FTO: variants seen among roughly 807,000 people sequenced by gnomAD.
FTO encodes the protein FTO alpha-ketoglutarate dependent dioxygenase, also known as alpha-ketoglutarate-dependent dioxygenase FTO.
A neutral mutation model predicts 63.9 loss-of-function variants in FTO; 47 were observed. The observed-to-expected ratio is 0.74, with a 90% CI of 0.58 to 0.94. The LOEUF (loss-of-function observed/expected upper bound fraction) is 0.94, where lower values mean the gene tolerates loss of function less well. FTO is among the 40% of genes least tolerant of loss of function. The pLI, the probability that FTO is intolerant of heterozygous loss-of-function variation, is 0.00. For synonymous variants in FTO, 207 were observed against 224.4 expected, an observed-to-expected ratio of 0.92 and a Z score of 0.69; for missense variants, 562 against 618.1, an observed-to-expected ratio of 0.91 and a Z score of 0.96.
At chr16:53,887,275 C>A (rs2081025594) in intron 6 of FTO, among the ~76,000 whole-genome samples, 1 of 152,216 alleles carries the variant, frequency 6.6e-6, no homozygotes, top group African/African-American at 2.4e-5. Flanking sequence ...GCTGCAGAGT[C>A]TTCTTCCTGT....
chr16:54,065,454 G>A (rs1249697272), intron 8 of FTO, among the ~76,000 whole-genome samples: 2 of 152,052 alleles, frequency 1.3e-5, no homozygotes. Flanking sequence ...GTGCACCACC[G>A]CATCCGGCCC....
intron 1 of FTO, among the ~76,000 whole-genome samples, chr16:53,786,774 ATG>A (rs1322936999): frequency 5.9e-5 from 9 of 152,168 alleles, no homozygotes; most frequent in Non-Finnish European, 1.2e-4. Context: ...TGGACATAAG[ATG>A]GTAGAGAGGC....
At chr16:53,835,498 T>C (rs2079263959) in intron 3 of FTO, among the ~76,000 whole-genome samples, 3 of 152,108 alleles carry the variant, frequency 2.0e-5, no homozygotes, top group Admixed American at 2.0e-4. Context: ...GGAAATAATA[T>C]TTTTTTTCAG....
chr16:53,949,445 G>A (rs1481899496), intron 8 of FTO, among the ~76,000 whole-genome samples: 1 of 152,088 alleles, frequency 6.6e-6, no homozygotes, highest in Non-Finnish European at 1.5e-5. Context: ...AAACCTTGGC[G>A]GCCACCGAAG....
At chr16:53,824,864 T>C (rs1411691641) in intron 2 of FTO, among the ~76,000 whole-genome samples, 1 of 152,160 alleles carries the variant, frequency 6.6e-6, no homozygotes, top group Non-Finnish European at 1.5e-5. Flanking sequence ...TCAGTTGCAT[T>C]TTACAGAATC....
At chr16:53,828,888 A>AT (rs1232288770) in intron 3 of FTO, among the ~76,000 whole-genome samples, 2 of 152,058 alleles carry the variant, frequency 1.3e-5, no homozygotes, top group African/African-American at 4.8e-5. Flanking sequence ...TTATTTTATT[A>AT]TTTTACTTTT....
chr16:53,759,495 A>G (rs1236472771), intron 1 of FTO, among the ~76,000 whole-genome samples: 1 of 152,038 alleles, frequency 6.6e-6, no homozygotes, highest in African/African-American at 2.4e-5. Context: ...AGAGTTCGAG[A>G]CCAGCCTGGC....
chr16:53,901,273 G>C (rs554213836), intron 7 of FTO, among the ~76,000 whole-genome samples: 1 of 152,156 alleles, frequency 6.6e-6, no homozygotes, highest in Admixed American at 6.5e-5. Context: ...TTTGGACTTT[G>C]GTCAGAAGCA....
chr16:54,064,868 C>T lies in FTO; in HGVS notation c.1365-46894C>T, dbSNP rs572583746. Among the ~76,000 whole-genome samples, 4 of 152,204 alleles carry T rather than the reference C, an allele frequency of 2.6e-5. 1 individual carries two copies. Among genetic ancestry groups the T allele is most frequent in the African/African-American group, 7.2e-5 (3 of 41,518 alleles). On this transcript the variant is annotated intron_variant, in intron 8 of 8. Coordinates refer to ENST00000471389, the MANE Select transcript of FTO (RefSeq NM_001080432.3). ...GGAGCTCAGTTGGCTGAAGGGAGCT[C>T]GGTGGCTGTTTTTATTAACTTGAGA...
At chr16:54,065,154 A>AT (rs376065950) in intron 8 of FTO, among the ~76,000 whole-genome samples, 4,715 of 136,268 alleles carry the variant, frequency 0.035, 243 homozygotes, top group African/African-American at 0.13. Flanking sequence ...ATTTTATTTT[A>AT]TTTATTAATG....
At chr16:53,947,544 AG>A (rs140504810) in intron 8 of FTO, among the ~76,000 whole-genome samples, 9,238 of 152,190 alleles carry the variant, frequency 0.061, 669 homozygotes, top group African/African-American at 0.18. Flanking sequence ...ATCTTGCAAA[AG>A]CCCCTGGCTT....
intron 4 of FTO, among the ~76,000 whole-genome samples, chr16:53,855,463 C>T (rs2079958564): frequency 6.6e-6 from 1 of 152,104 alleles, no homozygotes; most frequent in African/African-American, 2.4e-5. Flanking sequence ...CTGTACAGCA[C>T]CTAACACAGT....
chr16:54,018,275 G>C (rs1447657167), intron 8 of FTO, among the ~76,000 whole-genome samples: 2 of 152,012 alleles, frequency 1.3e-5, no homozygotes, highest in Non-Finnish European at 2.9e-5. Context: ...TCTCCAAAAG[G>C]ATGGTACCAA....
At chr16:54,094,661 C>T (rs747357814) in intron 8 of FTO, among the ~76,000 whole-genome samples, 2 of 152,222 alleles carry the variant, frequency 1.3e-5, no homozygotes, top group Non-Finnish European at 2.9e-5. Flanking sequence ...TCTATTCCAG[C>T]GCAAAGGCGA....
At chr16:53,938,377 C>T (rs572099649) in intron 8 of FTO, among the ~76,000 whole-genome samples, 2 of 152,324 alleles carry the variant, frequency 1.3e-5, no homozygotes, top group African/African-American at 2.4e-5. Context: ...ATTTATTTAT[C>T]GCTAATTGAT....
intron 8 of FTO, among the ~76,000 whole-genome samples, chr16:53,983,022 A>G (rs1052914596): frequency 6.6e-6 from 1 of 152,170 alleles, no homozygotes; most frequent in Non-Finnish European, 1.5e-5. Flanking sequence ...GGTATTACAC[A>G]TCACTACCTA....
intron 1 of FTO, among the ~76,000 whole-genome samples, chr16:53,722,863 G>A (rs542490479): frequency 6.6e-6 from 1 of 152,040 alleles, no homozygotes; most frequent in East Asian, 1.9e-4. Context: ...AAAACCATAT[G>A]ACAGAATAGA....
intron 8 of FTO, among the ~76,000 whole-genome samples, chr16:54,095,024 C>T (rs566125341): frequency 1.6e-4 from 25 of 152,272 alleles, no homozygotes; most frequent in African/African-American, 4.8e-4. Flanking sequence ...CCCCTTCCTC[C>T]AGCCACAGTT....
At chr16:53,886,162 C>G (rs1329076993) in intron 6 of FTO, among the ~76,000 whole-genome samples, 1 of 152,166 alleles carries the variant, frequency 6.6e-6, no homozygotes, top group East Asian at 1.9e-4. Flanking sequence ...AATAGCAGAG[C>G]CCCTAGATAT....
Sources: allele counts gnomAD v4.1 joint callset (sites outside exome capture counted in the v4.1 genomes callset), GRCh38; gene constraint gnomAD v4.1.1; transcripts MANE v1.5; gene names NCBI Gene and HGNC (gene_info 2026-07-23, HGNC 2026-07-21).